Variants in PPP2R3B observed in about 807,000 individuals in gnomAD.
PPP2R3B encodes protein phosphatase 2 regulatory subunit B''beta, also known as serine/threonine-protein phosphatase 2A regulatory subunit B'' subunit beta.
A neutral mutation model predicts 72.9 loss-of-function variants in PPP2R3B; 68 were observed. That is an observed-to-expected ratio of 0.93 (90% CI 0.77 to 1.14). The LOEUF (loss-of-function observed/expected upper bound fraction) is 1.14, where lower values mean the gene tolerates loss of function less well. Among genes scored for constraint, PPP2R3B ranks in the 50% most tolerant of loss-of-function variants. The pLI, the probability that PPP2R3B is intolerant of heterozygous loss-of-function variation, is 0.00. For synonymous variants in PPP2R3B, 466 were observed against 375.8 expected (o/e 1.24, Z -2.78); for missense variants, 1,018 against 842.0 (o/e 1.21, Z -2.59).
chrX:340,349 G>A (rs1258303800), intron 10 of PPP2R3B, among the ~76,000 whole-genome samples: 1 of 151,456 alleles, frequency 6.6e-6, no homozygotes, highest in Non-Finnish European at 1.5e-5. Flanking sequence ...GCCCCGAATA[G>A]GAGGTTCTTG....
Position 346,570 on chromosome X carries a change from C to T in PPP2R3B, c.792+131G>A, listed in dbSNP as rs1359956864. On this transcript the variant is annotated intron_variant, in intron 5 of 12. Coordinates refer to ENST00000390665, the MANE Select transcript of PPP2R3B (RefSeq NM_013239.5). ...CGGGCGGGTGGAGACTCTCCCAGAG[C>T]GCGGCCGCCTCCTCCGGAAGCTCAG... 2.2e-5 allele frequency: 19 copies of T among 871,572 alleles called. No homozygotes were observed. The African/African-American group carries it at 2.7e-4, about 13-fold the overall frequency. The allele number at this position is 871,572 out of a possible 1,614,324, so 54.0% of individuals were successfully genotyped here.
At chrX:351,573 C>T (rs1190374303) in intron 2 of PPP2R3B, among the ~76,000 whole-genome samples, 1 of 147,684 alleles carries the variant, frequency 6.8e-6, no homozygotes, top group South Asian at 2.3e-4. Context: ...CACGGTCTTG[C>T]TGTTGCCCAG....
At chrX:364,053 G>A (rs913200910) in intron 1 of PPP2R3B, among the ~76,000 whole-genome samples, 7 of 152,242 alleles carry the variant, frequency 4.6e-5, no homozygotes, top group African/African-American at 1.4e-4. Context: ...GGGGAAGCCC[G>A]TGGAGCCTGA....
intron 2 of PPP2R3B, among the ~76,000 whole-genome samples, chrX:360,307 G>A (rs1423382375): frequency 7.9e-5 from 12 of 152,210 alleles, no homozygotes; most frequent in Non-Finnish European, 8.8e-5. Flanking sequence ...GCCGAGGCAG[G>A]CGGATCACTT....
chrX:340,674 G>A, intron 10 of PPP2R3B, 91 bp downstream of exon 10: 1 of 1,438,504 alleles, frequency 7.0e-7, no homozygotes, highest in Non-Finnish European at 9.3e-7. Flanking sequence ...CTCTCCCTGG[G>A]CCGTCCTCTC....
rs2071657823 is a variant in PPP2R3B, at chrX:364,654, GTTGCA to G, written c.325-3069_325-3065del. Among the ~76,000 whole-genome samples the G allele has an allele frequency of 1.5e-5, 2 of 135,292 alleles. 1 individual carries two copies. Among genetic ancestry groups the G allele is most frequent in the Non-Finnish European group, 3.2e-5 (2 of 63,352 alleles). The allele number at this position is 135,292 out of a possible 152,430, so 88.8% of individuals were successfully genotyped here. ...AATCGCTTCAACACAGGAGGCGGAGGTTGCAGTGAGCTGAGATCGCACCACTGCAC... is the reference window on the plus strand; with the variant it reads ...AATCGCTTCAACACAGGAGGCGGAGGGTGAGCTGAGATCGCACCACTGCAC... On this transcript the variant is annotated intron_variant, in intron 1 of 12. Transcript: ENST00000390665.
intron 1 of PPP2R3B, among the ~76,000 whole-genome samples, chrX:371,796 G>A (rs1185270746): frequency 5.3e-5 from 8 of 151,716 alleles, no homozygotes; most frequent in Admixed American, 3.9e-4. Context: ...GCCAGGAAAC[G>A]TCCCCTTCTC....
At chrX:362,123 C>A (rs1315861774) in intron 1 of PPP2R3B, 1 of 170,900 alleles carries the variant, frequency 5.9e-6, no homozygotes, top group African/African-American at 2.4e-5. Context: ...GAGAAGGGGT[C>A]GACCACCAGG....
chrX:346,635 C>A lies in PPP2R3B; in HGVS notation c.792+66G>T, dbSNP rs181532534. On this transcript the variant is annotated intron_variant, in intron 5 of 12. Coordinates refer to ENST00000390665, the MANE Select transcript of PPP2R3B (RefSeq NM_013239.5). ...GCCCGCCCCGTCCGCAGAAGCCCCG[C>A]GGCGGCCGCTGCAGAAACACCCGCG... 0.012 allele frequency: 16,872 copies of A among 1,458,054 alleles called. 1,628 individuals carry two copies. In the African/African-American group the frequency reaches 0.21, roughly 18 times the overall value. The allele number at this position is 1,458,054 out of a possible 1,614,324, so 90.3% of individuals were successfully genotyped here. A position where few individuals can be genotyped will look rare whatever the true frequency, so the allele number is the denominator to read the frequency against.
intron 1 of PPP2R3B, among the ~76,000 whole-genome samples, chrX:363,198 C>A (rs186912172): frequency 6.6e-6 from 1 of 151,908 alleles, no homozygotes; most frequent in Non-Finnish European, 1.5e-5. Context: ...TGTCCTGGGG[C>A]AGGAGGTCCC....
At chrX:362,422 T>A (rs1408556506) in intron 1 of PPP2R3B, 1 of 152,442 alleles carries the variant, frequency 6.6e-6, no homozygotes. Context: ...CACCATCAAC[T>A]ACTGAAGGGA....
chrX:362,872 T>G (rs1240988180), intron 1 of PPP2R3B, among the ~76,000 whole-genome samples: 1 of 147,380 alleles, frequency 6.8e-6, no homozygotes, highest in Non-Finnish European at 1.5e-5. Flanking sequence ...ACTGCCACAG[T>G]ATCCTCACCG....
At chrX:360,053 G>C in intron 2 of PPP2R3B, among the ~76,000 whole-genome samples, 1 of 152,086 alleles carries the variant, frequency 6.6e-6, no homozygotes, top group South Asian at 2.1e-4. Flanking sequence ...ACCAAAACCA[G>C]ACAAAGGACT....
chrX:372,849 A>G lies in PPP2R3B; in HGVS notation c.325-11259T>C, dbSNP rs1257336205. ...AGGCTGAAGCAGGAAAATCACTTGA[A>G]CCCAGGAGGTGGAGGTTGCAGTGAG... On this transcript the variant is annotated intron_variant, in intron 1 of 12. Coordinates refer to ENST00000390665, the MANE Select transcript of PPP2R3B (RefSeq NM_013239.5). 2.6e-5 allele frequency among the ~76,000 whole-genome samples: 4 copies of G among 152,116 alleles called. No homozygotes were observed. The South Asian group carries it at 6.2e-4, about 24-fold the overall frequency.
rs1184793630 is a variant in PPP2R3B, at chrX:346,728, G to T, written c.765C>A (p.Ser255=). 1.2e-6 allele frequency: 2 copies of T among 1,610,092 alleles called. No individual in the cohort carries two copies. The highest frequency in any genetic ancestry group is 2.7e-5 in the African/African-American group (2 of 74,852). Reference sequence around the variant, plus strand: ...TGGTGATGTAGCGCGAGTGGAACTCGGACGCCTCCTTCAGGAACGACAGCC... The same window carrying T: ...TGGTGATGTAGCGCGAGTGGAACTCTGACGCCTCCTTCAGGAACGACAGCC... ...HPGLSFLKEA[S]EFHSRYITTV... is the part of the protein sequence containing the mutation. Residue 255 remains serine, a synonymous_variant, in exon 5 of 13, where the codon TCC becomes TCA. Transcript: ENST00000390665.
rs1394137734 is a variant in PPP2R3B at position 346,626 on chromosome X, G to A, written c.792+75C>T. The A allele has an allele frequency of 4.9e-6, 7 of 1,417,878 alleles. No individual in the cohort carries two copies. The East Asian group carries it at 1.7e-4, about 35-fold the overall frequency. The allele number at this position is 1,417,878 out of a possible 1,614,324, so 87.8% of individuals were successfully genotyped here. A position where few individuals can be genotyped will look rare whatever the true frequency, so the allele number is the denominator to read the frequency against. On this transcript the variant is annotated intron_variant, in intron 5 of 12. Coordinates refer to ENST00000390665, the MANE Select transcript of PPP2R3B (RefSeq NM_013239.5). ...CCGGGCCCCGCCCGCCCCGTCCGCA[G>A]AAGCCCCGCGGCGGCCGCTGCAGAA...
At chrX:366,877 G>A (rs1226992534) in intron 1 of PPP2R3B, among the ~76,000 whole-genome samples, 18 of 145,994 alleles carry the variant, frequency 1.2e-4, no homozygotes, top group Non-Finnish European at 1.5e-4. Flanking sequence ...CAAAACAAAC[G>A]ATTAACCAGG....
intron 1 of PPP2R3B, among the ~76,000 whole-genome samples, chrX:362,880 C>T (rs2071571184): frequency 6.6e-6 from 1 of 151,914 alleles, no homozygotes; most frequent in South Asian, 2.1e-4. Flanking sequence ...AGTATCCTCA[C>T]CGCAGGTCAC....
Position 384,282 on chromosome X carries a change from C to CTCTA in PPP2R3B, c.324+2085_324+2086insTAGA, listed in dbSNP as rs1323012218. 5.0e-3 allele frequency among the ~76,000 whole-genome samples: 704 copies of CTCTA among 140,070 alleles called. 8 individuals are homozygous for CTCTA. Among genetic ancestry groups the CTCTA allele is most frequent in the African/African-American group, 0.018 (670 of 37,204 alleles). 91.9% of individuals were successfully genotyped at this position (140,070 alleles called of 152,430 possible). A position where few individuals can be genotyped will look rare whatever the true frequency, so the allele number is the denominator to read the frequency against. The stretch of plus-strand genomic sequence containing the variant: ...GAAGACTCTCTCTCTCTCTCTCTCT[C>CTCTA]TATATATATATATATACTTTTTTTT... On this transcript the variant is annotated intron_variant, in intron 1 of 12. Transcript: ENST00000390665.
Sources: gnomAD v4.1 joint callset for allele counts (sites outside exome capture counted in the v4.1 genomes callset) on GRCh38, gnomAD v4.1.1 for gene constraint, MANE v1.5 for transcripts, NCBI Gene and HGNC (gene_info 2026-07-23, HGNC 2026-07-21) for gene names.